The following SLC25A13 variants were observed in gnomAD, a reference collection of about 807,000 sequenced individuals.
The protein encoded by SLC25A13 is solute carrier family 25 member 13, also known as electrogenic aspartate/glutamate antiporter SLC25A13, mitochondrial.
Under a neutral mutation model 85.5 loss-of-function variants are expected in SLC25A13, and 70 were observed. The observed-to-expected ratio is 0.82, with a 90% CI of 0.68 to 1.00. The LOEUF is 1.00. SLC25A13 is among the 50% of genes least tolerant of loss of function. The probability of loss-of-function intolerance (pLI) is 0.00; values close to 1 mark genes in which losing one functional copy is unlikely to be tolerated. For synonymous variants in SLC25A13, 259 were observed against 288.7 expected (o/e 0.90, Z 1.04); for missense variants, 765 against 819.8 (o/e 0.93, Z 0.82).
rs1289743606 is a variant in SLC25A13, at chr7:96,217,162, C to T, written c.329-8185G>A. On this transcript the variant is annotated intron_variant, in intron 4 of 17. Transcript: ENST00000265631. ...CATTAGCCATCAGGGAGATGAAAAT[C>T]AAAACCATGATGAGATAACCACTTC... Among the ~76,000 whole-genome samples the T allele has an allele frequency of 2.0e-5, 3 of 152,174 alleles. No homozygotes were observed. In the East Asian group the frequency reaches 5.8e-4, roughly 29 times the overall value.
intron 12 of SLC25A13, among the ~76,000 whole-genome samples, chr7:96,170,542 T>C (rs959268512): frequency 1.3e-5 from 2 of 152,218 alleles, no homozygotes; most frequent in East Asian, 3.8e-4. Context: ...ATCATGGAGA[T>C]AAATTTGGCT....
At chr7:96,169,385 A>G (rs1221351522) in intron 13 of SLC25A13, among the ~76,000 whole-genome samples, 1 of 152,214 alleles carries the variant, frequency 6.6e-6, no homozygotes, top group East Asian at 1.9e-4. Context: ...TTATCTTTAA[A>G]TAACACTAGT....
intron 3 of SLC25A13, among the ~76,000 whole-genome samples, chr7:96,261,480 C>A (rs1314800706): frequency 5.3e-5 from 8 of 152,162 alleles, no homozygotes; most frequent in Non-Finnish European, 7.4e-5. Context: ...AAATTTCTGA[C>A]AATTAAGTTC....
intron 1 of SLC25A13, among the ~76,000 whole-genome samples, chr7:96,318,553 A>G (rs1038203410): frequency 4.6e-5 from 7 of 152,264 alleles, no homozygotes; most frequent in African/African-American, 1.7e-4. Flanking sequence ...ATTAATGTTC[A>G]TTCACGAAAG....
intron 4 of SLC25A13, among the ~76,000 whole-genome samples, chr7:96,226,205 G>GCCAC: frequency 6.6e-6 from 1 of 152,152 alleles, no homozygotes; most frequent in South Asian, 2.1e-4. Context: ...GCCCCTGGTA[G>GCCAC]CCACCACTCT....
At chr7:96,267,565 C>T (rs1305061807) in intron 3 of SLC25A13, among the ~76,000 whole-genome samples, 1 of 152,110 alleles carries the variant, frequency 6.6e-6, no homozygotes, top group African/African-American at 2.4e-5. Context: ...GTAATTCCAG[C>T]ACTTTGGGAG....
chr7:96,301,906 G>C (rs1799561435), intron 1 of SLC25A13, among the ~76,000 whole-genome samples: 1 of 152,122 alleles, frequency 6.6e-6, no homozygotes, highest in Non-Finnish European at 1.5e-5. Flanking sequence ...GGGTTTACAA[G>C]CATGAGCCAC....
chr7:96,298,966 A>T (rs1799453597), intron 1 of SLC25A13, among the ~76,000 whole-genome samples: 1 of 152,120 alleles, frequency 6.6e-6, no homozygotes, highest in Admixed American at 6.5e-5. Context: ...AGAGCAGAAA[A>T]ATCTCCTCCT....
Position 96,229,923 on chromosome 7 carries a change from A to C in SLC25A13, c.328+4879T>G, listed in dbSNP as rs182231667. On this transcript the variant is annotated intron_variant, in intron 4 of 17. Coordinates refer to ENST00000265631, the MANE Select transcript of SLC25A13 (RefSeq NM_014251.3). ...GACCAAGAACCCACCAATTCCAGAC[A>C]CACCATTACTTTGGAAAACATTTTA... Among the ~76,000 whole-genome samples, 19 of 152,306 alleles carry C rather than the reference A, an allele frequency of 1.2e-4. No homozygotes were observed. The East Asian group carries it at 3.3e-3, about 26-fold the overall frequency.
intron 3 of SLC25A13, among the ~76,000 whole-genome samples, chr7:96,276,879 G>C (rs1798471919): frequency 6.6e-6 from 1 of 152,082 alleles, no homozygotes; most frequent in Non-Finnish European, 1.5e-5. Flanking sequence ...CAATTTTACA[G>C]CTGCCTTGAA....
intron 2 of SLC25A13, among the ~76,000 whole-genome samples, chr7:96,278,329 G>A (rs918765010): frequency 1.2e-4 from 18 of 152,214 alleles, no homozygotes; most frequent in Non-Finnish European, 1.8e-4. Flanking sequence ...GTGATGGAGG[G>A]TGCGCAGTGA....
intron 5 of SLC25A13, among the ~76,000 whole-genome samples, chr7:96,195,026 T>C (rs138566802): frequency 6.6e-6 from 1 of 152,268 alleles, no homozygotes; most frequent in Non-Finnish European, 1.5e-5. Flanking sequence ...CACTCTACTC[T>C]CCTAGACAGA....
chr7:96,173,919 G>C (rs1445017412), intron 11 of SLC25A13, among the ~76,000 whole-genome samples: 1 of 152,202 alleles, frequency 6.6e-6, no homozygotes, highest in Non-Finnish European at 1.5e-5. Flanking sequence ...GAGGGGACAA[G>C]TTAGCACAGA....
chr7:96,243,398 G>A (rs1797065143), intron 3 of SLC25A13, among the ~76,000 whole-genome samples: 1 of 152,302 alleles, frequency 6.6e-6, no homozygotes, highest in Admixed American at 6.5e-5. Flanking sequence ...ATTTGCAGAT[G>A]GGTGGAGGAT....
intron 4 of SLC25A13, among the ~76,000 whole-genome samples, chr7:96,234,155 C>A (rs140637178): frequency 6.6e-6 from 1 of 152,226 alleles, no homozygotes; most frequent in Admixed American, 6.5e-5. Flanking sequence ...ACTGTCCCAC[C>A]ACTTCCAAGC....
At chr7:96,149,956 G>T (rs1792964866) in intron 13 of SLC25A13, among the ~76,000 whole-genome samples, 1 of 152,124 alleles carries the variant, frequency 6.6e-6, no homozygotes, top group Admixed American at 6.5e-5. Context: ...GCTGTGTGAA[G>T]ATACTGTTTT....
intron 1 of SLC25A13, among the ~76,000 whole-genome samples, chr7:96,309,266 A>C (rs1461135057): frequency 6.6e-6 from 1 of 152,148 alleles, no homozygotes; most frequent in Non-Finnish European, 1.5e-5. Context: ...CCTCTAATGT[A>C]CCTGGGCTTT....
intron 13 of SLC25A13, among the ~76,000 whole-genome samples, chr7:96,154,226 T>C (rs1793163118): frequency 6.6e-6 from 1 of 151,940 alleles, no homozygotes; most frequent in East Asian, 1.9e-4. Flanking sequence ...CAGAAATTTT[T>C]AAAGTTTAGC....
At chr7:96,285,059 G>A (rs542438269) in intron 2 of SLC25A13, among the ~76,000 whole-genome samples, 8 of 151,732 alleles carry the variant, frequency 5.3e-5, no homozygotes, top group African/African-American at 9.7e-5. Flanking sequence ...ACAATAGCAC[G>A]CATCATCTCT....
Sources: gnomAD v4.1 joint callset for allele counts (sites outside exome capture counted in the v4.1 genomes callset) on GRCh38, gnomAD v4.1.1 for gene constraint, MANE v1.5 for transcripts, NCBI Gene and HGNC (gene_info 2026-07-23, HGNC 2026-07-21) for gene names.